Variants in PSMD12 observed in about 807,000 individuals in gnomAD.
PSMD12 encodes the protein 26S proteasome non-ATPase regulatory subunit 12.
PSMD12 carries 8 observed loss-of-function variants against 62.9 expected under a neutral mutation model. The observed-to-expected ratio is 0.13, with a 90% confidence interval of 0.07 to 0.23. The LOEUF (loss-of-function observed/expected upper bound fraction) is 0.23, where lower values mean the gene tolerates loss of function less well. Ranked by LOEUF, PSMD12 falls within the 10% of genes least tolerant of loss-of-function variation. The pLI is 1.00. For synonymous variants in PSMD12, 173 were observed against 187.4 expected (o/e 0.92, Z 0.63); for missense variants, 424 against 550.2 (o/e 0.77, Z 2.29).
At position 67,340,911 on chromosome 17, in the gene PSMD12, A is replaced by G. The variant is rs2041908470; in HGVS notation, c.1303T>C (p.Leu435=). The G allele has an allele frequency of 1.3e-6, 2 of 1,595,520 alleles. No homozygotes were observed. The highest frequency in any genetic ancestry group is 8.5e-7 in the Non-Finnish European group (1 of 1,174,742). The part of the protein sequence containing the change: ...LNDWSQKLNS[L]MSLVNKTTHL... ...GTAGTTTTGTTAACCAGAGACATTA[A>G]TGAGTTCAGTTTCTGAGACCAGTCA... The change falls in exon 11 of 11, where the codon TTA becomes CTA. Residue 435 remains leucine, a synonymous_variant. Transcript: ENST00000356126.
rs1246686921 is a variant in PSMD12, at chr17:67,361,900, AAAAAAAAAAGG to A, written c.109-4333_109-4323del. Among the ~76,000 whole-genome samples the A allele has an allele frequency of 6.9e-4, 93 of 135,436 alleles. 3 individuals carry two copies. The highest frequency in any genetic ancestry group is 1.1e-3 in the African/African-American group (42 of 38,160). 88.9% of individuals were successfully genotyped at this position (135,436 alleles called of 152,430 possible). ...AAAAAAAAAAAAAAAAAAAAAAAAA[AAAAAAAAAAGG>A]AAGGAAGGAAGGGAGGGAGGGAGGG... On this transcript the variant is annotated intron_variant, in intron 1 of 10. Transcript: ENST00000356126.
intron 9 of PSMD12, 127 bp from the exon 10 acceptor site, chr17:67,342,390 C>A (rs568054445): frequency 4.8e-6 from 3 of 629,966 alleles, no homozygotes; most frequent in Admixed American, 2.8e-5. Flanking sequence ...TTTCTACAGT[C>A]CATCACTGGA....
chr17:67,359,215 C>A (rs930934750), intron 1 of PSMD12, among the ~76,000 whole-genome samples: 1 of 152,042 alleles, frequency 6.6e-6, no homozygotes, highest in African/African-American at 2.4e-5. Flanking sequence ...ATTAGCTGGG[C>A]AAGGTAGCCT....
chr17:67,366,393 C>T lies in PSMD12; in HGVS notation c.108+19G>A. 6.2e-7 allele frequency: 1 copy of T among 1,601,340 alleles called. No homozygotes were observed. Among genetic ancestry groups the T allele is most frequent in the Non-Finnish European group, 8.5e-7 (1 of 1,172,360 alleles). On this transcript the variant is annotated intron_variant, in intron 1 of 10. Coordinates refer to ENST00000356126, the MANE Select transcript of PSMD12 (RefSeq NM_002816.5). ...CTCAGCCCCTGGCGCCCGCCAACAG[C>T]CAGCCGGCCTCTCCTCACCTTGGCT...
chr17:67,350,553 G>A (rs527720774), intron 3 of PSMD12, among the ~76,000 whole-genome samples: 3 of 152,218 alleles, frequency 2.0e-5, no homozygotes, highest in Non-Finnish European at 2.9e-5. Context: ...CTCAGATGCA[G>A]AGATGCAGCC....
At chr17:67,351,087 A>C (rs1253869150) in intron 3 of PSMD12, among the ~76,000 whole-genome samples, 2 of 152,228 alleles carry the variant, frequency 1.3e-5, no homozygotes, top group Admixed American at 6.5e-5. Flanking sequence ...AATATATGAT[A>C]ATCACTAACA....
intron 3 of PSMD12, 160 bp downstream of exon 3, chr17:67,357,143 C>T (rs2042082490): frequency 2.8e-6 from 2 of 720,050 alleles, no homozygotes; most frequent in East Asian, 6.0e-5. Flanking sequence ...AAACAGAAAA[C>T]AGTCATATCA....
chr17:67,351,201 C>G (rs2042013542), intron 3 of PSMD12, among the ~76,000 whole-genome samples: 1 of 151,898 alleles, frequency 6.6e-6, no homozygotes, highest in African/African-American at 2.4e-5. Flanking sequence ...ACCAACCTGG[C>G]TAACATGGTG....
In PSMD12 at chr17:67,344,675, C is replaced by T. The variant is rs376284862; in HGVS notation, c.1014G>A (p.Thr338=). ...LRKGSLESPA[T]DVFGSTEEGE... ...CTTCCTCTGTAGAACCAAAAACATC[C>T]GTTGCAGGACTCTCAAGGGAACCTT... The change falls in exon 9 of 11, where the codon ACG becomes ACA. Residue 338 remains threonine, a synonymous_variant. Transcript: ENST00000356126. The T allele has an allele frequency of 2.5e-6, 4 of 1,613,580 alleles. No homozygotes were observed. The highest frequency in any genetic ancestry group is 2.5e-6 in the Non-Finnish European group (3 of 1,179,668).
chr17:67,365,952 T>G (rs1432382771), intron 1 of PSMD12, among the ~76,000 whole-genome samples: 1 of 152,216 alleles, frequency 6.6e-6, no homozygotes, highest in Non-Finnish European at 1.5e-5. Context: ...GTTAGTCATC[T>G]TCGTACTATC....
intron 3 of PSMD12, among the ~76,000 whole-genome samples, chr17:67,350,602 G>T (rs1324538436): frequency 6.6e-6 from 1 of 152,208 alleles, no homozygotes; most frequent in African/African-American, 2.4e-5. Flanking sequence ...CTGACTAGGG[G>T]AAGAGAAAGC....
intron 1 of PSMD12, among the ~76,000 whole-genome samples, chr17:67,365,194 A>G (rs1010856245): frequency 1.3e-5 from 2 of 151,950 alleles, no homozygotes; most frequent in African/African-American, 4.8e-5. Flanking sequence ...CAAAAAAAAA[A>G]AAAAAAAAAG....
At chr17:67,354,804 A>C (rs774481494) in intron 3 of PSMD12, among the ~76,000 whole-genome samples, 49 of 151,902 alleles carry the variant, frequency 3.2e-4, no homozygotes, top group Non-Finnish European at 8.8e-5. Flanking sequence ...AACCTGGGCA[A>C]CATGGTGAAA....
intron 9 of PSMD12, among the ~76,000 whole-genome samples, chr17:67,343,594 T>A (rs543340736): frequency 6.6e-6 from 1 of 152,212 alleles, no homozygotes; most frequent in Non-Finnish European, 1.5e-5. Flanking sequence ...AAGTTTCCCA[T>A]AAGCCTCCCT....
intron 1 of PSMD12, among the ~76,000 whole-genome samples, chr17:67,360,435 C>T (rs898005194): frequency 1.3e-5 from 2 of 152,174 alleles, no homozygotes; most frequent in African/African-American, 2.4e-5. Context: ...TCACTTAGTA[C>T]CTCTTCCTTT....
At chr17:67,344,348 A>AT (rs1432057589) in intron 9 of PSMD12, among the ~76,000 whole-genome samples, 19 of 152,338 alleles carry the variant, frequency 1.2e-4, no homozygotes, top group African/African-American at 4.3e-4. Flanking sequence ...AAAACCCAAG[A>AT]TGAGTGAGAT....
intron 1 of PSMD12, among the ~76,000 whole-genome samples, chr17:67,358,011 T>A (rs2143726174): frequency 6.6e-6 from 1 of 151,884 alleles, no homozygotes; most frequent in African/African-American, 2.4e-5. Flanking sequence ...AACCTCCACC[T>A]CCCGGGTTCT....
At chr17:67,365,017 G>A (rs1018159350) in intron 1 of PSMD12, among the ~76,000 whole-genome samples, 3 of 151,964 alleles carry the variant, frequency 2.0e-5, no homozygotes, top group Non-Finnish European at 4.4e-5. Flanking sequence ...GTGAAACCCC[G>A]TCTCTACTAA....
chr17:67,342,274 G>C lies in PSMD12; in HGVS notation c.1084-11C>G. 6.5e-7 allele frequency: 1 copy of C among 1,527,580 alleles called. No homozygotes were observed. Among genetic ancestry groups the C allele is most frequent in the Non-Finnish European group, 9.1e-7 (1 of 1,104,018 alleles). 94.6% of individuals were successfully genotyped at this position (1,527,580 alleles called of 1,614,324 possible). A position where few individuals can be genotyped will look rare whatever the true frequency, so the allele number is the denominator to read the frequency against. ...CATTATTCTAATATTCTGGGGAGAG[G>C]ATAGAGAGCAGGGAGAACACGTAAC... On this transcript the variant is annotated splice_polypyrimidine_tract_variant and intron_variant, in intron 9 of 10. Transcript: ENST00000356126.
Sources: allele counts gnomAD v4.1 joint callset (sites outside exome capture counted in the v4.1 genomes callset), GRCh38; gene constraint gnomAD v4.1.1; transcripts MANE v1.5; gene names NCBI Gene and HGNC (gene_info 2026-07-23, HGNC 2026-07-21).